MED15: variants seen among roughly 807,000 people sequenced by gnomAD.
MED15 encodes the protein mediator of RNA polymerase II transcription subunit 15.
MED15 carries 41 observed loss-of-function variants against 118.7 expected under a neutral mutation model. That is an observed-to-expected ratio of 0.35 (90% CI 0.27 to 0.45). The LOEUF (loss-of-function observed/expected upper bound fraction) is 0.45. MED15 is among the 20% of genes least tolerant of loss of function. MED15 has a pLI of 1.00. For synonymous variants in MED15, 436 were observed against 413.9 expected, an observed-to-expected ratio of 1.05 and a Z score of -0.65; for missense variants, 740 against 1,025.5, an observed-to-expected ratio of 0.72 and a Z score of 3.80.
intron 8 of MED15, 84 bp downstream of exon 8, chr22:20,568,715 G>A: frequency 1.3e-6 from 2 of 1,541,078 alleles, no homozygotes; most frequent in Non-Finnish European, 1.7e-6. Context: ...GAGGGTTCTG[G>A]TTGGATTAGG....
Position 20,553,018 on chromosome 22 carries a change from G to T in MED15, c.209-127G>T, listed in dbSNP as rs138209621. The T allele has an allele frequency of 5.1e-3, 4,089 of 802,872 alleles. 18 individuals carry two copies. The highest frequency in any genetic ancestry group is 7.1e-3 in the Non-Finnish European group (3,509 of 492,032). The allele number at this position is 802,872 out of a possible 1,614,324, so 49.7% of individuals were successfully genotyped here. ...AGTAGAAACACTTCCCCCAGTAGTGGGGAGTACTAGGAGCTCCGTGGGGAT... is the reference window on the plus strand; with the variant it reads ...AGTAGAAACACTTCCCCCAGTAGTGTGGAGTACTAGGAGCTCCGTGGGGAT... On this transcript the variant is annotated intron_variant, in intron 3 of 17. Coordinates refer to ENST00000263205, the MANE Select transcript of MED15 (RefSeq NM_001003891.3).
rs2054539798 is a variant in MED15 at position 20,523,750 on chromosome 22, C to T, written c.69-13367C>T. 7 of 985,362 alleles carry T rather than the reference C, an allele frequency of 7.1e-6. No individual in the cohort carries two copies. The South Asian group carries it at 3.3e-4, about 46-fold the overall frequency. 61.0% of individuals were successfully genotyped at this position (985,362 alleles called of 1,614,324 possible). On this transcript the variant is annotated intron_variant, in intron 1 of 17. Transcript: ENST00000263205. ...GGCCTTTCCAACTCTGCTGGTTCTT[C>T]AGAAGTCAAACCAACAGATTGGAGT...
Position 20,585,684 on chromosome 22 carries a change from G to A in MED15, c.2132-44G>A, listed in dbSNP as rs372870556. 2.2e-5 allele frequency: 35 copies of A among 1,582,202 alleles called. No individual in the cohort carries two copies. The Middle Eastern group carries it at 6.6e-4, about 30-fold the overall frequency. ...AGAGCAGGGCTGTGAGGCAGGGCAG[G>A]CCGGGGCTTGTCCAGGTCACAGATA... is the stretch of plus-strand genomic sequence containing the variant. On this transcript the variant is annotated intron_variant, in intron 16 of 17. Transcript: ENST00000263205.
At chr22:20,551,712 G>A in intron 3 of MED15, 1 of 590,166 alleles carries the variant, frequency 1.7e-6, no homozygotes, top group South Asian at 2.0e-5. Context: ...TCATGGAAAT[G>A]CTGTCCTCAA....
chr22:20,534,154 C>T lies in MED15; in HGVS notation c.69-2963C>T, dbSNP rs116993530. Among the ~76,000 whole-genome samples the T allele has an allele frequency of 2.4e-4, 36 of 152,214 alleles. No individual in the cohort carries two copies. The East Asian group carries it at 6.6e-3, about 28-fold the overall frequency. The stretch of plus-strand genomic sequence containing the variant: ...CCTCTCTGACTCCTGGCCACATCTG[C>T]CACCCACAGCCTCCCCACTCCTTAC... On this transcript the variant is annotated intron_variant, in intron 1 of 17. Transcript: ENST00000263205.
chr22:20,553,322 C>A, intron 4 of MED15, 148 bp downstream of exon 4: 1 of 778,884 alleles, frequency 1.3e-6, no homozygotes, highest in Non-Finnish European at 2.1e-6. Flanking sequence ...GGAGGCTGAC[C>A]AGCTGTGCCC....
chr22:20,578,265 G>A (rs1220524192), intron 9 of MED15, among the ~76,000 whole-genome samples: 1 of 152,208 alleles, frequency 6.6e-6, no homozygotes, highest in African/African-American at 2.4e-5. Context: ...ATGCTTGTTA[G>A]CTGCAAGAAA....
chr22:20,551,245 T>C, intron 2 of MED15, 191 bp from the exon 3 acceptor site: 1 of 722,744 alleles, frequency 1.4e-6, no homozygotes, highest in Non-Finnish European at 2.6e-6. Flanking sequence ...GTGCCTGTTA[T>C]TGGCCAGCCT....
intron 9 of MED15, chr22:20,581,805 G>A (rs141910571): frequency 6.6e-6 from 1 of 152,342 alleles, no homozygotes; most frequent in Non-Finnish European, 1.5e-5. Context: ...TGGTGTCCCT[G>A]GTGCAGACAC....
chr22:20,563,017 C>T (rs165788), intron 5 of MED15, among the ~76,000 whole-genome samples: 29,900 of 150,698 alleles, frequency 0.2, 3,004 homozygotes, highest in South Asian at 0.26. Context: ...GACTGGGCAA[C>T]AGAGTGAGAC....
At chr22:20,570,738 C>CTTTTTTTTTTTT (rs2056622196) in intron 8 of MED15, among the ~76,000 whole-genome samples, 1 of 90,984 alleles carries the variant, frequency 1.1e-5, no homozygotes. Context: ...TTCTTTCTTT[C>CTTTTTTTTTTTT]TTTCTTTCTT....
Position 20,568,567 on chromosome 22 carries a change from T to TGCA in MED15, c.1099_1101dup (p.Gln367dup), listed in dbSNP as rs768410178. 1 of 1,613,456 alleles carries TGCA rather than the reference T, an allele frequency of 6.2e-7. No homozygotes were observed. Among genetic ancestry groups the TGCA allele is most frequent in the African/African-American group, 1.3e-5 (1 of 74,828 alleles). On this transcript the variant is annotated inframe_insertion, in exon 8 of 18. Transcript: ENST00000263205. ...CAGCAGCCCCCAGTGCAGCCCCAGGTGCAGCAGCAGCAGACAGCAGTACAG... is the reference window on the plus strand; with the variant it reads ...CAGCAGCCCCCAGTGCAGCCCCAGGTGCAGCAGCAGCAGCAGACAGCAGTACAG...
intron 2 of MED15, among the ~76,000 whole-genome samples, chr22:20,542,215 C>G (rs2055340745): frequency 6.6e-6 from 1 of 152,146 alleles, no homozygotes; most frequent in Non-Finnish European, 1.5e-5. Flanking sequence ...GTTTCACTCC[C>G]AGGTATATAT....
intron 4 of MED15, among the ~76,000 whole-genome samples, 198 bp downstream of exon 4, chr22:20,553,372 C>T (rs966622846): frequency 6.6e-6 from 1 of 152,184 alleles, no homozygotes; most frequent in African/African-American, 2.4e-5. Context: ...ACTGTGAAGT[C>T]GCATGATCCT....
chr22:20,586,523 C>T (rs766329842), intron 17 of MED15, 45 bp from the exon 18 acceptor site: 13 of 1,597,878 alleles, frequency 8.1e-6, no homozygotes, highest in South Asian at 4.5e-5. Flanking sequence ...CAGGAGCGAG[C>T]GCAGCGCCGG....
intron 1 of MED15, among the ~76,000 whole-genome samples, chr22:20,533,278 G>GA (rs1310420244): frequency 6.6e-6 from 1 of 152,228 alleles, no homozygotes; most frequent in Admixed American, 6.5e-5. Flanking sequence ...GGATGCCTCT[G>GA]AAAAGCGCCA....
chr22:20,567,921 GATCAGACCTCC>G (rs1259193938), intron 7 of MED15, among the ~76,000 whole-genome samples: 3 of 151,980 alleles, frequency 2.0e-5, no homozygotes, highest in African/African-American at 7.3e-5. Context: ...GCACTGATGT[GATCAGACCTCC>G]CTGCTCAAGC....
intron 2 of MED15, among the ~76,000 whole-genome samples, chr22:20,539,254 A>G (rs530612031): frequency 6.6e-6 from 1 of 151,894 alleles, no homozygotes; most frequent in East Asian, 1.9e-4. Flanking sequence ...GTGTGCCACC[A>G]TGCCTGGCTA....
At chr22:20,574,651 T>A in intron 8 of MED15, 1 of 156,994 alleles carries the variant, frequency 6.4e-6, no homozygotes. Context: ...TGAGCAGGCT[T>A]AACTGAGCTC....
Sources: gnomAD v4.1 joint callset for allele counts (sites outside exome capture counted in the v4.1 genomes callset) on GRCh38, gnomAD v4.1.1 for gene constraint, MANE v1.5 for transcripts, NCBI Gene and HGNC (gene_info 2026-07-23, HGNC 2026-07-21) for gene names.